PPP1CB: variants seen among roughly 807,000 people sequenced by gnomAD.
PPP1CB encodes serine/threonine-protein phosphatase PP1-beta catalytic subunit.
Under a neutral mutation model 43.7 loss-of-function variants are expected in PPP1CB, and 2 were observed. That is an observed-to-expected ratio of 0.05 (90% CI 0.02 to 0.14). The LOEUF is 0.14. Among genes scored for constraint, PPP1CB ranks in the 10% least tolerant of loss-of-function variants. The pLI, the probability that PPP1CB is intolerant of heterozygous loss-of-function variation, is 1.00. For missense variants in PPP1CB, 84 were observed against 398.0 expected (o/e 0.21, Z 6.71); for synonymous variants, 136 against 135.6 (o/e 1.00, Z -0.02).
At chr2:28,755,766 A>G (rs1351626295) in intron 1 of PPP1CB, among the ~76,000 whole-genome samples, 1 of 152,228 alleles carries the variant, frequency 6.6e-6, no homozygotes, top group Non-Finnish European at 1.5e-5. Context: ...GGAGGTTAGT[A>G]TGGAAAACTG....
chr2:28,782,273 AAAT>A (rs1667171438), intron 4 of PPP1CB, among the ~76,000 whole-genome samples: 1 of 152,290 alleles, frequency 6.6e-6, no homozygotes, highest in South Asian at 2.1e-4. Context: ...TAAAATAATA[AAAT>A]AATCTTTGGC....
intron 1 of PPP1CB, among the ~76,000 whole-genome samples, chr2:28,758,048 ATT>A (rs113722278): frequency 7.7e-5 from 11 of 143,464 alleles, no homozygotes; most frequent in African/African-American, 5.1e-5. Context: ...TTTTTAATTA[ATT>A]TTTTTTTTTT....
intron 5 of PPP1CB, among the ~76,000 whole-genome samples, chr2:28,787,969 G>C (rs1667307291): frequency 6.6e-6 from 1 of 151,842 alleles, no homozygotes; most frequent in African/African-American, 2.4e-5. Context: ...GATCTGATCT[G>C]ATTTTGTTCT....
intron 1 of PPP1CB, among the ~76,000 whole-genome samples, chr2:28,773,751 G>A (rs763423770): frequency 6.6e-5 from 10 of 152,292 alleles, no homozygotes; most frequent in Admixed American, 2.0e-4. Context: ...TGGGACATCT[G>A]CCTTATTCTG....
intron 1 of PPP1CB, 111 bp from the exon 2 acceptor site, chr2:28,776,740 A>C: frequency 2.1e-6 from 2 of 939,364 alleles, no homozygotes; most frequent in Non-Finnish European, 3.2e-6. Flanking sequence ...AAATAGGGTA[A>C]TTTGCTGCCT....
At chr2:28,783,130 A>G (rs1304881596) in intron 4 of PPP1CB, among the ~76,000 whole-genome samples, 2 of 152,198 alleles carry the variant, frequency 1.3e-5, no homozygotes, top group African/African-American at 2.4e-5. Flanking sequence ...CTTCTGATCA[A>G]TAGTTTATGA....
chr2:28,773,691 A>G (rs938319978), intron 1 of PPP1CB, among the ~76,000 whole-genome samples: 3 of 152,106 alleles, frequency 2.0e-5, no homozygotes, highest in African/African-American at 7.2e-5. Context: ...AAGTCTTGAG[A>G]GTACATAAAG....
chr2:28,783,876 T>C (rs1667208408), intron 4 of PPP1CB, 31 bp from the exon 5 acceptor site: 1 of 1,501,514 alleles, frequency 6.7e-7, no homozygotes, highest in Non-Finnish European at 9.3e-7. Context: ...TTTTTAGCTG[T>C]TAGTACTATG....
chr2:28,792,787 T>C (rs1175341260), intron 6 of PPP1CB, among the ~76,000 whole-genome samples: 1 of 152,184 alleles, frequency 6.6e-6, no homozygotes, highest in Non-Finnish European at 1.5e-5. Flanking sequence ...AAAATAAATT[T>C]AAAAGTAATC....
chr2:28,798,396 C>T (rs1667539618), intron 7 of PPP1CB, among the ~76,000 whole-genome samples: 1 of 152,064 alleles, frequency 6.6e-6, no homozygotes, highest in Non-Finnish European at 1.5e-5. Context: ...AAAACTGTTA[C>T]ATAAATGTGC....
At chr2:28,765,031 T>G (rs1666748857) in intron 1 of PPP1CB, among the ~76,000 whole-genome samples, 1 of 152,172 alleles carries the variant, frequency 6.6e-6, no homozygotes, top group South Asian at 2.1e-4. Flanking sequence ...CTGGGGAAAG[T>G]AGCATAAGGT....
At chr2:28,774,701 C>G (rs1004684164) in intron 1 of PPP1CB, among the ~76,000 whole-genome samples, 3 of 152,204 alleles carry the variant, frequency 2.0e-5, no homozygotes, top group African/African-American at 7.2e-5. Context: ...GCTGGGATTA[C>G]AGGCATGAGC....
chr2:28,759,498 C>T (rs1422887029), intron 1 of PPP1CB, among the ~76,000 whole-genome samples: 5 of 119,270 alleles, frequency 4.2e-5, no homozygotes, highest in East Asian at 2.8e-4. Flanking sequence ...CCAGCCTGGG[C>T]GAAAGAGTGA....
chr2:28,779,322 G>A (rs1017417132), intron 3 of PPP1CB, among the ~76,000 whole-genome samples: 3 of 152,178 alleles, frequency 2.0e-5, no homozygotes, highest in Non-Finnish European at 4.4e-5. Context: ...GTCACTGTAG[G>A]CAGTGGCCCT....
intron 5 of PPP1CB, among the ~76,000 whole-genome samples, chr2:28,784,927 A>AAAG: frequency 8.3e-6 from 1 of 119,920 alleles, no homozygotes; most frequent in South Asian, 2.9e-4. Flanking sequence ...CAAAAAAAAA[A>AAAG]AAAAAAAGAA....
chr2:28,767,412 A>G (rs1045603427), intron 1 of PPP1CB, among the ~76,000 whole-genome samples: 1 of 152,184 alleles, frequency 6.6e-6, no homozygotes, highest in South Asian at 2.1e-4. Flanking sequence ...GCACCCAATT[A>G]AATAACATAA....
chr2:28,773,204 A>G (rs1437113106), intron 1 of PPP1CB, among the ~76,000 whole-genome samples: 1 of 152,142 alleles, frequency 6.6e-6, no homozygotes, highest in African/African-American at 2.4e-5. Context: ...ATGTTAAAAT[A>G]TTTTCTAAAC....
chr2:28,786,774 C>CAAAAAAAAA (rs70956040), intron 5 of PPP1CB, among the ~76,000 whole-genome samples: 4 of 94,902 alleles, frequency 4.2e-5, no homozygotes, highest in Non-Finnish European at 6.0e-5. Flanking sequence ...GACTCCGTCT[C>CAAAAAAAAA]AAAAAAAAAA....
At position 28,801,954 on chromosome 2, in the gene PPP1CB, GT is replaced by G. The variant is rs1420761299; in HGVS notation, c.*2653del. The G allele has an allele frequency of 6.6e-6, 1 of 152,138 alleles. No individual in the cohort carries two copies. Among genetic ancestry groups the G allele is most frequent in the African/African-American group, 2.4e-5 (1 of 41,436 alleles). 9.4% of individuals were successfully genotyped at this position (152,138 alleles called of 1,614,324 possible). On this transcript the variant is annotated 3_prime_UTR_variant, in exon 8 of 8. Coordinates refer to ENST00000395366, the MANE Select transcript of PPP1CB (RefSeq NM_002709.3). ...TCAGCAAGACTGGTTTGTGCAAAGCGTTGAGTCATCAGGTATTTAGAGCCTA... is the reference window on the plus strand; with the variant it reads ...TCAGCAAGACTGGTTTGTGCAAAGCGTGAGTCATCAGGTATTTAGAGCCTA...
Sources: gnomAD v4.1 joint callset for allele counts (sites outside exome capture counted in the v4.1 genomes callset) on GRCh38, gnomAD v4.1.1 for gene constraint, MANE v1.5 for transcripts, NCBI Gene and HGNC (gene_info 2026-07-23, HGNC 2026-07-21) for gene names.